NSUN2: variants seen among roughly 807,000 people sequenced by gnomAD.
NSUN2 encodes the protein NOP2/Sun RNA methyltransferase 2, also known as RNA cytosine C(5)-methyltransferase NSUN2.
NSUN2 carries 63 observed loss-of-function variants against 92.7 expected under a neutral mutation model. The ratio of observed to expected loss-of-function variants is 0.68; its 90% confidence interval spans 0.56 to 0.84. NSUN2 has a LOEUF of 0.84. Ranked by LOEUF, NSUN2 falls within the 40% of genes least tolerant of loss-of-function variation. NSUN2 has a pLI of 0.00. For synonymous variants in NSUN2, 356 were observed against 348.3 expected, an observed-to-expected ratio of 1.02 and a Z score of -0.25; for missense variants, 989 against 964.9, an observed-to-expected ratio of 1.02 and a Z score of -0.33.
At position 6,616,789 on chromosome 5, in the gene NSUN2, G is replaced by A. The variant is rs138724893; in HGVS notation, c.959C>T (p.Thr320Met). 17 of 1,613,896 alleles carry A rather than the reference G, an allele frequency of 1.1e-5. No homozygotes were observed. The highest frequency in any genetic ancestry group is 6.7e-5 in the African/African-American group (5 of 74,894). ...ATCCTCAATAGGGTTTAGTGAACAC[G>A]TGGAATACACCATCCTTCCACCTTC... is the stretch of plus-strand genomic sequence containing the variant. ...LAEGGRMVYS[T>M]CSLNPIEDEA... is the part of the protein sequence containing the mutation. Residue 320 changes from threonine to methionine, a missense_variant, in exon 9 of 19, where the codon ACG becomes ATG. Around this residue, in one of 3 missense-constraint regions of NSUN2, gnomAD observed 626 missense variants for 602.3 expected, o/e 1.04. Transcript: ENST00000264670.
At chr5:6,632,209 T>A in intron 2 of NSUN2, among the ~76,000 whole-genome samples, 1 of 120,098 alleles carries the variant, frequency 8.3e-6, no homozygotes, top group Non-Finnish European at 1.7e-5. Context: ...TATCCTACCG[T>A]TAAGTTTTAC....
At chr5:6,626,916 G>C (rs1737678427) in intron 3 of NSUN2, among the ~76,000 whole-genome samples, 1 of 152,172 alleles carries the variant, frequency 6.6e-6, no homozygotes, top group Non-Finnish European at 1.5e-5. Context: ...GGAATGTCTG[G>C]AAAACACAAA....
chr5:6,627,976 T>C (rs1209962384), intron 3 of NSUN2, among the ~76,000 whole-genome samples: 1 of 152,224 alleles, frequency 6.6e-6, no homozygotes, highest in Non-Finnish European at 1.5e-5. Flanking sequence ...TCTTTGCATA[T>C]TAAAAATTCT....
In NSUN2 at chr5:6,605,229, C is replaced by T. The variant is rs554164170; in HGVS notation, c.1737+44G>A. The T allele has an allele frequency of 2.2e-5, 35 of 1,604,986 alleles. No individual in the cohort carries two copies. In the Admixed American group the frequency reaches 2.6e-4, roughly 12 times the overall value. ...ATCTAAGCCGCTGTGAAAAGCCACA[C>T]GCATCCCGCATCACACAGCACTCAG... On this transcript the variant is annotated intron_variant, in intron 15 of 18. Coordinates refer to ENST00000264670, the MANE Select transcript of NSUN2 (RefSeq NM_017755.6).
chr5:6,608,567 CGAGAAAA>C (rs918090277), intron 12 of NSUN2, among the ~76,000 whole-genome samples: 5 of 152,190 alleles, frequency 3.3e-5, no homozygotes, highest in African/African-American at 4.8e-5. Context: ...ATTATTTAAA[CGAGAAAA>C]TGACAATAAG....
intron 12 of NSUN2, among the ~76,000 whole-genome samples, chr5:6,609,603 C>G (rs1371522843): frequency 7.2e-5 from 11 of 152,116 alleles, no homozygotes; most frequent in Non-Finnish European, 1.5e-4. Context: ...GGAATACATT[C>G]CCCCAAACAC....
rs1018165109 is a variant in NSUN2, at chr5:6,611,220, G to A, written c.1096-135C>T. The stretch of plus-strand genomic sequence containing the variant: ...CACTCCAAAGATAGGAAGATTATTT[G>A]CCAAGACAAAACAAAACAATCTTTA... On this transcript the variant is annotated intron_variant, in intron 10 of 18. Transcript: ENST00000264670. 4 of 969,790 alleles carry A rather than the reference G, an allele frequency of 4.1e-6. No individual in the cohort carries two copies. The African/African-American group carries it at 4.9e-5, about 12-fold the overall frequency. 60.1% of individuals were successfully genotyped at this position (969,790 alleles called of 1,614,324 possible).
rs1249833077 is a variant in NSUN2, at chr5:6,628,118, T to C, written c.360-2449A>G. Reference sequence around the variant, plus strand: ...ACACCAGCACTTTGGGAGACCAAGGTGGGCGGATCACTTGAGGTCAGGAGT... The same window carrying C: ...ACACCAGCACTTTGGGAGACCAAGGCGGGCGGATCACTTGAGGTCAGGAGT... On this transcript the variant is annotated intron_variant, in intron 3 of 18. Transcript: ENST00000264670. 2.6e-5 allele frequency among the ~76,000 whole-genome samples: 4 copies of C among 152,020 alleles called. No individual in the cohort carries two copies. In the East Asian group the frequency reaches 7.7e-4, roughly 29 times the overall value.
rs1032858455 is a variant in NSUN2, at chr5:6,617,613, C to T, written c.890+337G>A. Reference sequence around the variant, plus strand: ...GAGATCAAAATGTCTCTTAGCAAAACGATGATACAAAAGAACAAAAACAGA... The same window carrying T: ...GAGATCAAAATGTCTCTTAGCAAAATGATGATACAAAAGAACAAAAACAGA... On this transcript the variant is annotated intron_variant, in intron 8 of 18. Transcript: ENST00000264670. Among the ~76,000 whole-genome samples, 9 of 151,966 alleles carry T rather than the reference C, an allele frequency of 5.9e-5. No individual in the cohort carries two copies. The East Asian group carries it at 1.7e-3, about 29-fold the overall frequency.
chr5:6,625,744 C>G, intron 3 of NSUN2, 75 bp from the exon 4 acceptor site: 1 of 979,778 alleles, frequency 1.0e-6, no homozygotes, highest in South Asian at 1.3e-5. Flanking sequence ...GTGCTTCTAT[C>G]AGTCGCATGC....
intron 14 of NSUN2, among the ~76,000 whole-genome samples, 173 bp downstream of exon 14, chr5:6,606,647 T>C (rs904499987): frequency 1.3e-5 from 2 of 151,390 alleles, no homozygotes; most frequent in Non-Finnish European, 2.9e-5. Flanking sequence ...AATTAAAAGA[T>C]TGAGTAACCT....
chr5:6,602,553 GC>G, intron 17 of NSUN2, 53 bp from the exon 18 acceptor site: 1 of 1,508,644 alleles, frequency 6.6e-7, no homozygotes, highest in Non-Finnish European at 9.2e-7. Flanking sequence ...GTGGATGCAT[GC>G]GCTGAGCACA....
chr5:6,602,718 C>T (rs1736607413), intron 17 of NSUN2, among the ~76,000 whole-genome samples: 1 of 152,166 alleles, frequency 6.6e-6, no homozygotes, highest in African/African-American at 2.4e-5. Flanking sequence ...GAAGAGGACC[C>T]AGGCAAAAGC....
intron 3 of NSUN2, among the ~76,000 whole-genome samples, chr5:6,631,431 G>C (rs976999217): frequency 2.6e-5 from 4 of 152,192 alleles, no homozygotes; most frequent in Non-Finnish European, 5.9e-5. Flanking sequence ...TCTGTACTGC[G>C]AAGTACCAGG....
chr5:6,603,733 C>A, intron 17 of NSUN2: 1 of 169,584 alleles, frequency 5.9e-6, no homozygotes, highest in Non-Finnish European at 1.3e-5. Context: ...GCACAGAGAC[C>A]TGCTTCCACC....
chr5:6,631,285 A>G (rs1737879818), intron 3 of NSUN2, among the ~76,000 whole-genome samples: 1 of 147,810 alleles, frequency 6.8e-6, no homozygotes, highest in African/African-American at 2.4e-5. Flanking sequence ...ACCTTCATAC[A>G]ACTGAGACTA....
rs764391650 is a variant in NSUN2, at chr5:6,602,547, A to T, written c.1958-47T>A. The T allele has an allele frequency of 3.8e-6, 6 of 1,565,416 alleles. No homozygotes were observed. The South Asian group carries it at 6.7e-5, about 17-fold the overall frequency. On this transcript the variant is annotated intron_variant, in intron 17 of 18. Coordinates refer to ENST00000264670, the MANE Select transcript of NSUN2 (RefSeq NM_017755.6). ...ATTTGCCAGGTTTTCCAGGTAGTGG[A>T]TGCATGCGCTGAGCACATTTCTGCA...
chr5:6,625,150 GTAAAA>G (rs1407522209), intron 4 of NSUN2, among the ~76,000 whole-genome samples: 1 of 150,610 alleles, frequency 6.6e-6, no homozygotes, highest in Non-Finnish European at 1.5e-5. Context: ...TTCATTTTTA[GTAAAA>G]TAAATCAATT....
chr5:6,607,057 C>A, intron 13 of NSUN2, 143 bp downstream of exon 13: 2 of 994,140 alleles, frequency 2.0e-6, no homozygotes, highest in South Asian at 3.0e-5. Context: ...TCCACAGAGT[C>A]CAGCCCTCAC....
Sources: gnomAD v4.1 joint callset for allele counts (sites outside exome capture counted in the v4.1 genomes callset) on GRCh38, gnomAD v4.1.1 for gene constraint, gnomAD v4.1.1 regional missense constraint, MANE v1.5 for transcripts, NCBI Gene and HGNC (gene_info 2026-07-23, HGNC 2026-07-21) for gene names.